CARMIL1: variants seen among roughly 807,000 people sequenced by gnomAD.
The protein encoded by CARMIL1 is capping protein regulator and myosin 1 linker 1, also known as F-actin-uncapping protein LRRC16A.
CARMIL1 carries 90 observed loss-of-function variants against 177.1 expected under a neutral mutation model. The ratio of observed to expected loss-of-function variants is 0.51; its 90% confidence interval spans 0.43 to 0.61. CARMIL1 has a LOEUF of 0.61. Ranked by LOEUF, CARMIL1 falls within the 20% of genes least tolerant of loss-of-function variation. The pLI, the probability that CARMIL1 is intolerant of heterozygous loss-of-function variation, is 0.00. For synonymous variants in CARMIL1, 577 were observed against 606.2 expected (o/e 0.95, Z 0.71); for missense variants, 1,380 against 1,667.0 (o/e 0.83, Z 3.00).
chr6:25,455,732 C>A (rs1015076847), intron 8 of CARMIL1, among the ~76,000 whole-genome samples: 1 of 152,070 alleles, frequency 6.6e-6, no homozygotes, highest in Non-Finnish European at 1.5e-5. Context: ...TTTTTTCTGC[C>A]TAGAAGTTTG....
intron 2 of CARMIL1, among the ~76,000 whole-genome samples, chr6:25,293,760 T>A (rs557383609): frequency 6.6e-6 from 1 of 152,066 alleles, no homozygotes; most frequent in East Asian, 1.9e-4. Context: ...GGGCCTCACT[T>A]TGTCAGGCTG....
chr6:25,440,727 T>C (rs1031919938), intron 5 of CARMIL1, among the ~76,000 whole-genome samples: 1 of 152,156 alleles, frequency 6.6e-6, no homozygotes, highest in East Asian at 1.9e-4. Context: ...AAATAAAATA[T>C]GTTTCCAGTA....
intron 5 of CARMIL1, among the ~76,000 whole-genome samples, chr6:25,445,824 T>G (rs1294710436): frequency 6.6e-6 from 1 of 152,158 alleles, no homozygotes; most frequent in African/African-American, 2.4e-5. Context: ...TATTTCTTAA[T>G]AAGACTTGAA....
In CARMIL1 at chr6:25,441,337, A is replaced by ATATATGTGTGTGTG; in HGVS notation, c.371+5734_371+5735insATATGTGTGTGTGT. Among the ~76,000 whole-genome samples the ATATATGTGTGTGTG allele has an allele frequency of 9.0e-3, 848 of 94,514 alleles. 5 individuals carry two copies. Among genetic ancestry groups the ATATATGTGTGTGTG allele is most frequent in the South Asian group, 0.021 (50 of 2,422 alleles). The allele number at this position is 94,514 out of a possible 152,430, so 62.0% of individuals were successfully genotyped here. A position where few individuals can be genotyped will look rare whatever the true frequency, so the allele number is the denominator to read the frequency against. On this transcript the variant is annotated intron_variant, in intron 5 of 36. Coordinates refer to ENST00000329474, the MANE Select transcript of CARMIL1 (RefSeq NM_017640.6). ...CAAACAAACATATATATATATATAT[A>ATATATGTGTGTGTG]TGTGTGTGTGTGTGTGTGTGTGTGT...
intron 29 of CARMIL1, among the ~76,000 whole-genome samples, chr6:25,574,024 C>T (rs1812364098): frequency 6.6e-6 from 1 of 152,176 alleles, no homozygotes; most frequent in Non-Finnish European, 1.5e-5. Flanking sequence ...CTCCGAGTTA[C>T]TTCAAGAAAC....
chr6:25,280,331 C>T (rs1035618825), intron 1 of CARMIL1, among the ~76,000 whole-genome samples: 20 of 152,282 alleles, frequency 1.3e-4, no homozygotes, highest in African/African-American at 4.8e-4. Flanking sequence ...GGGAGGTGAT[C>T]TTCTGACACG....
chr6:25,483,935 T>C (rs1802380488), intron 12 of CARMIL1, among the ~76,000 whole-genome samples: 1 of 152,004 alleles, frequency 6.6e-6, no homozygotes, highest in Non-Finnish European at 1.5e-5. Flanking sequence ...ACCCTGCTAA[T>C]TTTTTTGTAG....
chr6:25,399,333 A>G (rs74504779), intron 2 of CARMIL1, among the ~76,000 whole-genome samples: 6,044 of 152,278 alleles, frequency 0.04, 443 homozygotes, highest in East Asian at 0.27. Flanking sequence ...CTACCTGCCC[A>G]GGTGAGGATG....
intron 31 of CARMIL1, among the ~76,000 whole-genome samples, chr6:25,582,917 GGACAAAGGTGAAGTCTCTCCA>G (rs879937329): frequency 1.3e-5 from 2 of 152,136 alleles, no homozygotes; most frequent in Non-Finnish European, 2.9e-5. Flanking sequence ...GCTTCATTGT[GGACAAAGGTGAAGTCTCTCCA>G]GAACAGACTG....
chr6:25,561,922 A>G (rs1331781765), intron 29 of CARMIL1, among the ~76,000 whole-genome samples: 1 of 152,214 alleles, frequency 6.6e-6, no homozygotes, highest in East Asian at 1.9e-4. Context: ...CAATTGATTA[A>G]AACACCTTTA....
rs925772077 is a variant in CARMIL1 at position 25,433,755 on chromosome 6, G to A, written c.250-1728G>A. ...GGTATTTATCAAATACTCGTTGACA[G>A]ATTCTTCTAGAGGTATTTATGAAAA... On this transcript the variant is annotated intron_variant, in intron 4 of 36. Transcript: ENST00000329474. Among the ~76,000 whole-genome samples the A allele has an allele frequency of 2.6e-5, 4 of 152,304 alleles. No individual in the cohort carries two copies. In the East Asian group the frequency reaches 5.8e-4, roughly 22 times the overall value.
intron 23 of CARMIL1, among the ~76,000 whole-genome samples, chr6:25,527,338 C>T (rs1388683706): frequency 6.6e-6 from 1 of 152,172 alleles, no homozygotes; most frequent in Non-Finnish European, 1.5e-5. Context: ...GAACTGGAAG[C>T]ACCACTGGTG....
intron 11 of CARMIL1, among the ~76,000 whole-genome samples, chr6:25,478,418 A>C (rs1801780961): frequency 6.6e-6 from 1 of 152,196 alleles, no homozygotes; most frequent in Non-Finnish European, 1.5e-5. Flanking sequence ...ATACAATGAT[A>C]GTACCTACCA....
rs578219680 is a variant in CARMIL1, at chr6:25,385,439, CAG to C, written c.139-34672_139-34671del. 1.1e-4 allele frequency among the ~76,000 whole-genome samples: 16 copies of C among 152,236 alleles called. No individual in the cohort carries two copies. In the South Asian group the frequency reaches 3.1e-3, roughly 30 times the overall value. On this transcript the variant is annotated intron_variant, in intron 2 of 36. Transcript: ENST00000329474. ...GTTTTCAGGGAGTGAGGACTGGAGACAGAGTAGATAAGTGAGAATGCTGAGGG... is the reference window on the plus strand; with the variant it reads ...GTTTTCAGGGAGTGAGGACTGGAGACAGTAGATAAGTGAGAATGCTGAGGG...
At chr6:25,480,824 C>T (rs1337471389) in intron 11 of CARMIL1, among the ~76,000 whole-genome samples, 1 of 149,494 alleles carries the variant, frequency 6.7e-6, no homozygotes, top group Non-Finnish European at 1.5e-5. Flanking sequence ...GAGTTCACGC[C>T]ATTCTCCTGC....
At chr6:25,602,735 G>T (rs1412540546) in intron 33 of CARMIL1, among the ~76,000 whole-genome samples, 1 of 152,016 alleles carries the variant, frequency 6.6e-6, no homozygotes, top group Admixed American at 6.6e-5. Flanking sequence ...TCTTTCTAAA[G>T]GTAGCAACAA....
At chr6:25,404,811 T>C (rs1461949380) in intron 2 of CARMIL1, among the ~76,000 whole-genome samples, 1 of 149,732 alleles carries the variant, frequency 6.7e-6, no homozygotes, top group Non-Finnish European at 1.5e-5. Context: ...TAGGAAGTGG[T>C]TAATGCCAAA....
chr6:25,561,166 A>G (rs1811078440), intron 29 of CARMIL1, among the ~76,000 whole-genome samples: 1 of 152,198 alleles, frequency 6.6e-6, no homozygotes, highest in Non-Finnish European at 1.5e-5. Context: ...TCTGAACCAT[A>G]TCTTTGAACT....
At position 25,284,911 on chromosome 6, in the gene CARMIL1, T is replaced by C; in HGVS notation, c.138+2T>C. 6 of 1,503,714 alleles carry C rather than the reference T, an allele frequency of 4.0e-6. No individual in the cohort carries two copies. The highest frequency in any genetic ancestry group is 4.5e-6 in the Non-Finnish European group (5 of 1,099,660). 93.1% of individuals were successfully genotyped at this position (1,503,714 alleles called of 1,614,324 possible). On this transcript the variant is annotated splice_donor_variant, in intron 2 of 36. Coordinates refer to ENST00000329474, the MANE Select transcript of CARMIL1 (RefSeq NM_017640.6). LOFTEE classifies it high-confidence loss of function. ...GACAAAGTTGAAAACAAAGTGCTGG[T>C]AAGTATTGCTGTTTATTTTTATTAA...
Sources: allele counts gnomAD v4.1 joint callset (sites outside exome capture counted in the v4.1 genomes callset), GRCh38; gene constraint gnomAD v4.1.1; transcripts MANE v1.5; gene names NCBI Gene and HGNC (gene_info 2026-07-23, HGNC 2026-07-21).